BABAM2: variants seen among roughly 807,000 people sequenced by gnomAD.
BABAM2 encodes BRISC and BRCA1 A complex member 2, also known as BRISC and BRCA1-A complex member 2.
In BABAM2, 31 loss-of-function variants were observed where a neutral mutation model predicts 54.7. That is an observed-to-expected ratio of 0.57 (90% CI 0.43 to 0.77). BABAM2 has a LOEUF of 0.77. BABAM2 is among the 30% of genes least tolerant of loss of function. The pLI, the probability that BABAM2 is intolerant of heterozygous loss-of-function variation, is 0.00. For missense variants in BABAM2, 364 were observed against 455.8 expected, an observed-to-expected ratio of 0.80 and a Z score of 1.83; for synonymous variants, 167 against 162.9, an observed-to-expected ratio of 1.03 and a Z score of -0.19.
rs186349934 is a variant in BABAM2, at chr2:28,300,887, G to A, written c.1088+2396G>A. On this transcript the variant is annotated intron_variant, in intron 11 of 11. Coordinates refer to ENST00000379624, the MANE Select transcript of BABAM2 (RefSeq NM_199191.3). The stretch of plus-strand genomic sequence containing the variant: ...TAGCGAAGATGGATCCATTTTAAAT[G>A]TAATAAAAGAGAAAGCCAGCAGCTC... Among the ~76,000 whole-genome samples the A allele has an allele frequency of 1.5e-3, 229 of 152,316 alleles. 1 individual carries two copies. The highest frequency in any genetic ancestry group is 2.5e-3 in the Non-Finnish European group (167 of 68,030).
chr2:27,913,488 G>A (rs1666750828), intron 2 of BABAM2, among the ~76,000 whole-genome samples: 1 of 152,090 alleles, frequency 6.6e-6, no homozygotes, highest in Non-Finnish European at 1.5e-5. Flanking sequence ...AAACAAATAT[G>A]GTAGATGGTT....
chr2:28,026,852 T>TTTA (rs1675772627), intron 5 of BABAM2, among the ~76,000 whole-genome samples: 2 of 64,538 alleles, frequency 3.1e-5, no homozygotes, highest in African/African-American at 1.6e-4. Context: ...AAATATATAT[T>TTTA]TATATATATA....
intron 6 of BABAM2, among the ~76,000 whole-genome samples, chr2:28,070,224 T>C (rs1663996019): frequency 1.3e-5 from 2 of 152,252 alleles, no homozygotes; most frequent in Non-Finnish European, 2.9e-5. Flanking sequence ...CTTATTGCTC[T>C]AAGAAAATCT....
intron 6 of BABAM2, 149 bp downstream of exon 6, chr2:28,045,948 T>C: frequency 5.0e-6 from 3 of 601,356 alleles, no homozygotes; most frequent in South Asian, 8.8e-5. Context: ...CATTGAGCTG[T>C]TTTGCTGCCT....
chr2:28,276,239 C>T (rs149717572), intron 10 of BABAM2, among the ~76,000 whole-genome samples: 1 of 152,090 alleles, frequency 6.6e-6, no homozygotes, highest in African/African-American at 2.4e-5. Context: ...AGCTCATGAA[C>T]CCAGCATCCA....
intron 4 of BABAM2, among the ~76,000 whole-genome samples, chr2:28,015,587 C>T (rs1161466070): frequency 1.3e-5 from 2 of 152,090 alleles, no homozygotes; most frequent in African/African-American, 4.8e-5. Context: ...CATTTATGGC[C>T]CTTTCACACA....
intron 4 of BABAM2, chr2:28,015,969 A>G: frequency 1.7e-6 from 1 of 587,334 alleles, no homozygotes; most frequent in South Asian, 1.6e-5. Flanking sequence ...TGAGTCCTTT[A>G]ATGTCCTTTT....
chr2:28,015,859 CT>C, intron 4 of BABAM2: 2 of 716,060 alleles, frequency 2.8e-6, no homozygotes, highest in Admixed American at 2.4e-5. Context: ...TTCTTCACTG[CT>C]TTTCCTCTTT....
At chr2:28,097,176 G>A (rs934095257) in intron 6 of BABAM2, among the ~76,000 whole-genome samples, 10 of 152,252 alleles carry the variant, frequency 6.6e-5, no homozygotes, top group Admixed American at 3.3e-4. Flanking sequence ...TAGGGAAACC[G>A]TGATGCCTGC....
Position 28,231,785 on chromosome 2 carries a change from CTTTTTTTTTTTTTTTTTTTTTTTT to C in BABAM2, c.681-5402_681-5379del, listed in dbSNP as rs549515372. Among the ~76,000 whole-genome samples the C allele has an allele frequency of 2.1e-4, 12 of 57,680 alleles. No homozygotes were observed. The East Asian group carries it at 8.4e-3, about 40-fold the overall frequency. 37.8% of individuals were successfully genotyped at this position (57,680 alleles called of 152,430 possible). A position where few individuals can be genotyped will look rare whatever the true frequency, so the allele number is the denominator to read the frequency against. On this transcript the variant is annotated intron_variant, in intron 7 of 11. Coordinates refer to ENST00000379624, the MANE Select transcript of BABAM2 (RefSeq NM_199191.3). ...CATTCTAATGCTTTGAGAGAGATGTCTTTTTTTTTTTTTTTTTTTTTTTTTTTTTTTTTTTTTTAAGAGACAGAG... is the reference window on the plus strand; with the variant it reads ...CATTCTAATGCTTTGAGAGAGATGTCTTTTTTTTTTTTTTAAGAGACAGAG...
intron 11 of BABAM2, among the ~76,000 whole-genome samples, chr2:28,336,850 C>T (rs11127142): frequency 0.23 from 34,317 of 152,276 alleles, 5,368 homozygotes; most frequent in East Asian, 0.56. Context: ...ACAGGATCCC[C>T]GGTGAGTGCT....
chr2:28,158,151 G>C (rs1672727502), intron 7 of BABAM2, among the ~76,000 whole-genome samples: 2 of 152,022 alleles, frequency 1.3e-5, no homozygotes, highest in African/African-American at 2.4e-5. Flanking sequence ...ATCTCAATAG[G>C]TAAAAGAGCA....
intron 11 of BABAM2, among the ~76,000 whole-genome samples, chr2:28,315,723 G>A (rs1689500510): frequency 6.6e-6 from 1 of 151,348 alleles, no homozygotes; most frequent in Non-Finnish European, 1.5e-5. Context: ...TAACTCCTGG[G>A]CTCAATCAAT....
intron 11 of BABAM2, among the ~76,000 whole-genome samples, chr2:28,306,233 T>C (rs1572384243): frequency 6.6e-6 from 1 of 152,232 alleles, no homozygotes; most frequent in Non-Finnish European, 1.5e-5. Context: ...ATACATTAAC[T>C]AAGTTAAATT....
chr2:28,030,326 C>T (rs1676200690), intron 5 of BABAM2, among the ~76,000 whole-genome samples: 1 of 152,146 alleles, frequency 6.6e-6, no homozygotes, highest in Admixed American at 6.5e-5. Flanking sequence ...ACTACTGCTA[C>T]ACTTATCTCA....
chr2:28,213,640 A>T (rs1237072833), intron 7 of BABAM2, among the ~76,000 whole-genome samples: 2 of 152,114 alleles, frequency 1.3e-5, no homozygotes, highest in Non-Finnish European at 2.9e-5. Context: ...ATTTCTTTTT[A>T]AAAAATTGAA....
intron 3 of BABAM2, among the ~76,000 whole-genome samples, chr2:27,963,565 A>T (rs896821965): frequency 2.0e-5 from 3 of 151,904 alleles, no homozygotes; most frequent in Non-Finnish European, 4.4e-5. Context: ...AAAACCTGTT[A>T]TATCTTTAGT....
At chr2:28,260,786 A>G (rs774595261) in intron 10 of BABAM2, among the ~76,000 whole-genome samples, 3 of 152,154 alleles carry the variant, frequency 2.0e-5, no homozygotes, top group Non-Finnish European at 4.4e-5. Flanking sequence ...TTTCATGAAC[A>G]TGGTATATGT....
chr2:28,146,912 A>G (rs1671544863), intron 7 of BABAM2, among the ~76,000 whole-genome samples: 1 of 152,348 alleles, frequency 6.6e-6, no homozygotes, highest in Admixed American at 6.5e-5. Flanking sequence ...ACTGAAACTA[A>G]GGAAGTTTTC....
Sources: allele counts gnomAD v4.1 joint callset (sites outside exome capture counted in the v4.1 genomes callset), GRCh38; gene constraint gnomAD v4.1.1; transcripts MANE v1.5; gene names NCBI Gene and HGNC (gene_info 2026-07-23, HGNC 2026-07-21).